SYT1: variants seen among roughly 807,000 people sequenced by gnomAD.
SYT1 encodes the protein synaptotagmin-1.
SYT1 carries 8 observed loss-of-function variants against 44.8 expected under a neutral mutation model. That is an observed-to-expected ratio of 0.18 (90% CI 0.10 to 0.32). The LOEUF is 0.32. Ranked by LOEUF, SYT1 falls within the 10% of genes least tolerant of loss-of-function variation. The pLI, the probability that SYT1 is intolerant of heterozygous loss-of-function variation, is 1.00. For synonymous variants in SYT1, 154 were observed against 188.8 expected (o/e 0.82, Z 1.51); for missense variants, 286 against 509.3 (o/e 0.56, Z 4.22).
chr12:79,060,088 T>G (rs1332622448), intron 3 of SYT1, among the ~76,000 whole-genome samples: 1 of 152,056 alleles, frequency 6.6e-6, no homozygotes, highest in African/African-American at 2.4e-5. Context: ...AGGCAGAGCA[T>G]CCTCCTATCT....
chr12:79,019,688 G>T (rs920052243), intron 2 of SYT1, among the ~76,000 whole-genome samples: 1 of 151,826 alleles, frequency 6.6e-6, no homozygotes, highest in Non-Finnish European at 1.5e-5. Flanking sequence ...ACGACCTACA[G>T]CATTTATTTA....
intron 8 of SYT1, among the ~76,000 whole-genome samples, chr12:79,347,094 T>C (rs970587536): frequency 2.6e-5 from 4 of 151,360 alleles, no homozygotes; most frequent in African/African-American, 9.7e-5. Flanking sequence ...AGGAGTAATT[T>C]GATTAGGCAG....
chr12:79,150,652 TGATA>T (rs1336651190), intron 3 of SYT1, among the ~76,000 whole-genome samples: 1 of 152,066 alleles, frequency 6.6e-6, no homozygotes, highest in East Asian at 1.9e-4. Context: ...AAAAACAAGA[TGATA>T]GTCATGCCAA....
chr12:79,040,727 A>G (rs918173986), intron 2 of SYT1, among the ~76,000 whole-genome samples: 4 of 152,046 alleles, frequency 2.6e-5, no homozygotes, highest in South Asian at 2.1e-4. Context: ...GTAATGCCTA[A>G]GTTTTCTTCT....
chr12:79,388,744 A>C (rs1400211732), intron 9 of SYT1, among the ~76,000 whole-genome samples: 3 of 152,088 alleles, frequency 2.0e-5, no homozygotes, highest in African/African-American at 7.2e-5. Flanking sequence ...TAGTGGTAGA[A>C]GTTTCTAAGC....
chr12:78,991,402 A>T (rs1203521310), intron 2 of SYT1, among the ~76,000 whole-genome samples: 2 of 152,080 alleles, frequency 1.3e-5, no homozygotes, highest in Non-Finnish European at 1.5e-5. Flanking sequence ...TTGTAATAAA[A>T]CATCATATCA....
chr12:78,891,976 TAA>T, intron 1 of SYT1, among the ~76,000 whole-genome samples: 1 of 151,972 alleles, frequency 6.6e-6, no homozygotes, highest in Non-Finnish European at 1.5e-5. Flanking sequence ...AAACTGTGAA[TAA>T]GTTAATCACT....
intron 1 of SYT1, among the ~76,000 whole-genome samples, chr12:78,869,635 G>C (rs1321735417): frequency 6.6e-6 from 1 of 151,862 alleles, no homozygotes; most frequent in African/African-American, 2.4e-5. Context: ...ATATTTAAGA[G>C]AGTTTCAAAA....
chr12:79,014,955 G>A (rs142534123), intron 2 of SYT1, among the ~76,000 whole-genome samples: 11,130 of 151,622 alleles, frequency 0.073, 503 homozygotes, highest in East Asian at 0.14. Context: ...GTAAACTATC[G>A]CAAGGATAAA....
intron 3 of SYT1, among the ~76,000 whole-genome samples, chr12:79,158,261 G>A (rs1870722697): frequency 6.6e-6 from 1 of 152,068 alleles, no homozygotes; most frequent in Non-Finnish European, 1.5e-5. Flanking sequence ...GGGAGACAAT[G>A]ACAGATCATC....
intron 4 of SYT1, among the ~76,000 whole-genome samples, chr12:79,272,801 G>T (rs1042732249): frequency 2.6e-5 from 4 of 152,156 alleles, no homozygotes; most frequent in African/African-American, 9.7e-5. Flanking sequence ...AAAATGTAGA[G>T]ATGTAGCAGA....
intron 3 of SYT1, among the ~76,000 whole-genome samples, chr12:79,095,999 G>T (rs1450945214): frequency 6.6e-6 from 1 of 151,872 alleles, no homozygotes; most frequent in Admixed American, 6.6e-5. Context: ...AGTCTTGGCG[G>T]TCCTGAGGGC....
intron 8 of SYT1, among the ~76,000 whole-genome samples, chr12:79,317,757 A>T (rs1881164931): frequency 6.6e-6 from 1 of 151,618 alleles, no homozygotes; most frequent in Admixed American, 6.6e-5. Flanking sequence ...ATTGGAAAGA[A>T]AGAACACTGC....
chr12:79,277,304 G>C (rs148697634), intron 4 of SYT1, among the ~76,000 whole-genome samples: 3 of 152,278 alleles, frequency 2.0e-5, no homozygotes, highest in African/African-American at 7.2e-5. Flanking sequence ...AAACCTATTA[G>C]ACTAACAGCA....
chr12:78,887,823 T>TGA (rs925638575), intron 1 of SYT1, among the ~76,000 whole-genome samples: 4 of 151,956 alleles, frequency 2.6e-5, no homozygotes, highest in African/African-American at 7.2e-5. Flanking sequence ...GCCCTTTCTT[T>TGA]AGAAGAAATT....
At chr12:79,109,830 C>T (rs1207083795) in intron 3 of SYT1, among the ~76,000 whole-genome samples, 2 of 152,124 alleles carry the variant, frequency 1.3e-5, no homozygotes, top group African/African-American at 4.8e-5. Flanking sequence ...TTAATGACCT[C>T]TTTAAAAGTA....
At chr12:78,889,521 G>C (rs184063204) in intron 1 of SYT1, among the ~76,000 whole-genome samples, 1 of 151,950 alleles carries the variant, frequency 6.6e-6, no homozygotes, top group Non-Finnish European at 1.5e-5. Flanking sequence ...CTGAGACTTT[G>C]TCTGGATTTA....
chr12:79,068,036 A>G (rs1875998467), intron 3 of SYT1, among the ~76,000 whole-genome samples: 5 of 152,158 alleles, frequency 3.3e-5, no homozygotes, highest in Admixed American at 3.3e-4. Context: ...TTATTTCCAG[A>G]GCTCCTACCA....
At chr12:79,007,451 C>T (rs1256861521) in intron 2 of SYT1, among the ~76,000 whole-genome samples, 2 of 152,158 alleles carry the variant, frequency 1.3e-5, no homozygotes, top group African/African-American at 4.8e-5. Context: ...TAGTCAGCTT[C>T]ATTACCATTA....
Sources: allele counts gnomAD v4.1 joint callset (sites outside exome capture counted in the v4.1 genomes callset), GRCh38; gene constraint gnomAD v4.1.1; transcripts MANE v1.5; gene names NCBI Gene and HGNC (gene_info 2026-07-23, HGNC 2026-07-21).